The following CFAP54 variants were observed in gnomAD, a reference collection of about 807,000 sequenced individuals.
The protein encoded by CFAP54 is cilia and flagella associated protein 54.
Under a neutral mutation model 370.4 loss-of-function variants are expected in CFAP54, and 290 were observed. The ratio of observed to expected loss-of-function variants is 0.78; its 90% CI spans 0.71 to 0.86. CFAP54 has a LOEUF of 0.86. CFAP54 is among the 40% of genes least tolerant of loss of function. The pLI is 0.00. For missense variants in CFAP54, 3,399 were observed against 3,528.7 expected, an observed-to-expected ratio of 0.96 and a Z score of 0.93; for synonymous variants, 1,206 against 1,236.5, an observed-to-expected ratio of 0.98 and a Z score of 0.52.
intron 27 of CFAP54, 59 bp downstream of exon 27, chr12:96,621,780 A>G: frequency 7.9e-7 from 1 of 1,268,892 alleles, no homozygotes; most frequent in Non-Finnish European, 1.0e-6. Context: ...TTTAGGGGTA[A>G]TGTAGTATTA....
chr12:96,763,527 C>T (rs1958361287), intron 58 of CFAP54, among the ~76,000 whole-genome samples: 1 of 151,926 alleles, frequency 6.6e-6, no homozygotes, highest in South Asian at 2.1e-4. Context: ...GCCTGTAATC[C>T]CAGCACTTTG....
In CFAP54 at chr12:96,841,529, TTAAA is replaced by T. The variant is rs1478164889; in HGVS notation, c.9171+12450_9171+12453del. Among the ~76,000 whole-genome samples, 7 of 152,178 alleles carry T rather than the reference TTAAA, an allele frequency of 4.6e-5. No individual in the cohort carries two copies. The East Asian group carries it at 7.7e-4, about 17-fold the overall frequency. The stretch of plus-strand genomic sequence containing the variant: ...AGTCTCCTGACAGATGTTTTTAAAT[TTAAA>T]TAAATAAAGAAGAAGCAGGTGTGAA... On this transcript the variant is annotated intron_variant, in intron 66 of 67. Coordinates refer to ENST00000524981, the MANE Select transcript of CFAP54 (RefSeq NM_001306084.2).
intron 26 of CFAP54, among the ~76,000 whole-genome samples, chr12:96,612,054 T>C (rs1956364436): frequency 6.6e-6 from 1 of 152,098 alleles, no homozygotes; most frequent in Admixed American, 6.6e-5. Context: ...GCCACAAAGA[T>C]ACTCCTCAAG....
Position 96,554,210 on chromosome 12 carries a change from C to A in CFAP54, c.2183C>A (p.Ala728Asp), listed in dbSNP as rs562575709. The A allele has an allele frequency of 4.6e-5, 70 of 1,510,786 alleles. 1 individual carries two copies. In the African/African-American group the frequency reaches 6.8e-4, roughly 15 times the overall value. 93.6% of individuals were successfully genotyped at this position (1,510,786 alleles called of 1,614,324 possible). A position where few individuals can be genotyped will look rare whatever the true frequency, so the allele number is the denominator to read the frequency against. Residue 728 changes from alanine to aspartate, a missense_variant, in exon 16 of 68, where the codon GCT becomes GAT. Physicochemically the swap from Ala to Asp is moderately radical, Grantham distance 126. This residue lies in a region of CFAP54 where 2,796 missense variants were observed against 2,869.7 expected (regional missense o/e 0.97). Transcript: ENST00000524981. Reference sequence around the variant, plus strand: ...AATCCTGTGGAACAGTTACTTTTTGCTTATAAACTTCTTGACAGAGCAATC... The same window carrying A: ...AATCCTGTGGAACAGTTACTTTTTGATTATAAACTTCTTGACAGAGCAATC... ...QKNPVEQLLF[A>D]YKLLDRAIGG...
At chr12:96,606,117 A>G (rs12230072) in intron 26 of CFAP54, among the ~76,000 whole-genome samples, 13,110 of 152,248 alleles carry the variant, frequency 0.086, 927 homozygotes, top group East Asian at 0.44. Flanking sequence ...TTATAAGCAA[A>G]AAGAAAAGCA....
intron 25 of CFAP54, among the ~76,000 whole-genome samples, chr12:96,598,256 A>G (rs1051748709): frequency 1.3e-5 from 2 of 152,082 alleles, no homozygotes; most frequent in Admixed American, 6.6e-5. Context: ...TGGAATCACT[A>G]TGTAATATTT....
chr12:96,526,925 C>T (rs1955389227), intron 8 of CFAP54, among the ~76,000 whole-genome samples: 1 of 121,952 alleles, frequency 8.2e-6, no homozygotes, highest in Admixed American at 1.0e-4. Flanking sequence ...GACAGGGTCT[C>T]ACTCTGTCAC....
intron 66 of CFAP54, among the ~76,000 whole-genome samples, chr12:96,855,895 G>C (rs1959692018): frequency 6.6e-6 from 1 of 152,204 alleles, no homozygotes; most frequent in African/African-American, 2.4e-5. Context: ...TTTCTTTTCT[G>C]TACTGCCCTA....
chr12:96,489,815 A>T lies in CFAP54; in HGVS notation c.206A>T (p.Asn69Ile), dbSNP rs755774215. Residue 69 changes from asparagine (N) to isoleucine (I), a missense_variant, in exon 1 of 68, where the codon AAC becomes ATC. By Grantham distance (149) the Asn-to-Ile change is moderately radical (BLOSUM62 -3). Around this residue, in one of 3 missense-constraint regions of CFAP54, gnomAD observed 559 missense variants for 576.7 expected, o/e 0.97. Coordinates refer to ENST00000524981, the MANE Select transcript of CFAP54 (RefSeq NM_001306084.2). Reference sequence around the variant, plus strand: ...TTTTATGGGCCGCTGGACGCGAAAAACCCGCTCCTGGCCTCTTGTGAGAAG... The same window carrying T: ...TTTTATGGGCCGCTGGACGCGAAAATCCCGCTCCTGGCCTCTTGTGAGAAG... ...AVFYGPLDAKNPLLASCEKEI... is the reference protein window; with the variant it reads ...AVFYGPLDAKIPLLASCEKEI... The T allele has an allele frequency of 2.4e-5, 37 of 1,535,536 alleles. No homozygotes were observed. In the South Asian group the frequency reaches 4.2e-4, roughly 17 times the overall value.
intron 63 of CFAP54, among the ~76,000 whole-genome samples, chr12:96,805,113 A>G (rs556563992): frequency 6.6e-6 from 1 of 152,142 alleles, no homozygotes. Context: ...TGACCTAAAC[A>G]TAAGACCTGA....
chr12:96,651,470 A>C (rs909840440), intron 35 of CFAP54, 118 bp from the exon 36 acceptor site: 2 of 785,158 alleles, frequency 2.5e-6, no homozygotes. Context: ...AAGTGACCCT[A>C]ACAAATGATG....
intron 58 of CFAP54, among the ~76,000 whole-genome samples, chr12:96,759,711 T>G (rs1958313871): frequency 6.6e-6 from 1 of 152,212 alleles, no homozygotes; most frequent in Non-Finnish European, 1.5e-5. Context: ...GTTTGAATCC[T>G]AGCTTCACAA....
intron 26 of CFAP54, among the ~76,000 whole-genome samples, chr12:96,616,640 T>A: frequency 6.6e-6 from 1 of 152,240 alleles, no homozygotes; most frequent in African/African-American, 2.4e-5. Flanking sequence ...ATAGGATTAT[T>A]AACGTTAATC....
chr12:96,499,000 A>G (rs2136346065), intron 1 of CFAP54, among the ~76,000 whole-genome samples: 1 of 152,120 alleles, frequency 6.6e-6, no homozygotes, highest in East Asian at 1.9e-4. Flanking sequence ...TTTTTTTGAG[A>G]TGGAGTCTTG....
rs1272557851 is a variant in CFAP54, at chr12:96,534,148, C to T, written c.1626C>T (p.Asn542=). 2.0e-6 allele frequency: 3 copies of T among 1,528,948 alleles called. No homozygotes were observed. Among genetic ancestry groups the T allele is most frequent in the South Asian group, 1.2e-5 (1 of 83,248 alleles). 94.7% of individuals were successfully genotyped at this position (1,528,948 alleles called of 1,614,324 possible). ...AMEPLINVKR[N]KGLIFPLENY... The stretch of plus-strand genomic sequence containing the variant: ...AACCACTAATCAACGTGAAGAGAAA[C>T]AAAGGTTTGATCTTTCCTTTGGAAA... The change falls in exon 11 of 68, where the codon AAC becomes AAT. Residue 542 remains asparagine, a synonymous_variant. Transcript: ENST00000524981.
At chr12:96,728,819 G>A (rs1406881094) in intron 50 of CFAP54, among the ~76,000 whole-genome samples, 3 of 152,028 alleles carry the variant, frequency 2.0e-5, no homozygotes, top group Non-Finnish European at 1.5e-5. Context: ...TATCTGCTTT[G>A]GGTCTTTGAT....
intron 31 of CFAP54, among the ~76,000 whole-genome samples, 172 bp from the exon 32 acceptor site, chr12:96,630,379 T>C (rs904263370): frequency 8.9e-6 from 1 of 111,944 alleles, no homozygotes; most frequent in Middle Eastern, 4.3e-3. Flanking sequence ...ATTGTTATAA[T>C]CAGATTTTTT....
At chr12:96,674,833 A>G (rs1481687755) in intron 39 of CFAP54, among the ~76,000 whole-genome samples, 1 of 152,114 alleles carries the variant, frequency 6.6e-6, no homozygotes, top group East Asian at 1.9e-4. Context: ...ACTTGTGAGC[A>G]CTCAATTTAT....
intron 65 of CFAP54, among the ~76,000 whole-genome samples, chr12:96,821,252 AAGAGG>A (rs1192218733): frequency 6.6e-6 from 1 of 152,172 alleles, no homozygotes; most frequent in African/African-American, 2.4e-5. Flanking sequence ...CATCTGAGTC[AAGAGG>A]TTGACTATAA....
Sources: allele counts gnomAD v4.1 joint callset (sites outside exome capture counted in the v4.1 genomes callset), GRCh38; gene constraint gnomAD v4.1.1; regional missense constraint gnomAD v4.1.1; transcripts MANE v1.5; gene names NCBI Gene and HGNC (gene_info 2026-07-23, HGNC 2026-07-21).